Variants in ABCB11 observed in about 807,000 individuals in gnomAD.
The protein encoded by ABCB11 is ATP binding cassette subfamily B member 11, also known as bile salt export pump.
Under a neutral mutation model 148.0 loss-of-function variants are expected in ABCB11, and 95 were observed. The observed-to-expected ratio is 0.64, with a 90% CI of 0.54 to 0.76. The LOEUF (loss-of-function observed/expected upper bound fraction) is 0.76, where lower values mean the gene tolerates loss of function less well. Among genes scored for constraint, ABCB11 ranks in the 30% least tolerant of loss-of-function variants. The pLI, the probability that ABCB11 is intolerant of heterozygous loss-of-function variation, is 0.00. For synonymous variants in ABCB11, 591 were observed against 555.4 expected, an observed-to-expected ratio of 1.06 and a Z score of -0.90; for missense variants, 1,523 against 1,617.8, an observed-to-expected ratio of 0.94 and a Z score of 1.01.
chr2:168,971,306 C>A (rs76507907), intron 14 of ABCB11, among the ~76,000 whole-genome samples: 2 of 151,990 alleles, frequency 1.3e-5, no homozygotes, highest in Non-Finnish European at 2.9e-5. Context: ...TTTATAATAA[C>A]TCTTCTTTGA....
intron 8 of ABCB11, among the ~76,000 whole-genome samples, chr2:168,992,918 T>G (rs11892887): frequency 0.06 from 9,140 of 152,110 alleles, 920 homozygotes; most frequent in African/African-American, 0.21. Context: ...TTAAATTCTA[T>G]TCTCATTTAT....
chr2:168,970,077 T>A lies in ABCB11; in HGVS notation c.1777A>T (p.Ser593Cys). Residue 593 changes from serine (S) to cysteine (C), a missense_variant, in exon 15 of 28, where the codon AGT becomes TGT. Coordinates refer to ENST00000650372, the MANE Select transcript of ABCB11 (RefSeq NM_003742.4). ...AGCACTTCTTGCACCATGGCTTCAC[T>A]CTCATTGTCCAGAGCTGAGGTGGCC... is the stretch of plus-strand genomic sequence containing the variant. ...DMATSALDNE[S>C]EAMVQEVLSK... 6.2e-7 allele frequency: 1 copy of A among 1,611,948 alleles called. No individual in the cohort carries two copies. Among genetic ancestry groups the A allele is most frequent in the East Asian group, 2.2e-5 (1 of 44,744 alleles).
chr2:168,934,087 T>C, intron 23 of ABCB11, among the ~76,000 whole-genome samples: 1 of 148,288 alleles, frequency 6.7e-6, no homozygotes, highest in African/African-American at 2.4e-5. Context: ...AAAAAAATAT[T>C]CTAAATTATT....
chr2:168,918,018 A>G (rs1254250681), downstream of ABCB11, among the ~76,000 whole-genome samples: 1 of 149,692 alleles, frequency 6.7e-6, no homozygotes, highest in Non-Finnish European at 1.5e-5. Flanking sequence ...TACAATTAGC[A>G]TAAATTTCAC....
intron 5 of ABCB11, among the ~76,000 whole-genome samples, chr2:169,005,601 G>A (rs1428961248): frequency 6.6e-6 from 1 of 152,092 alleles, no homozygotes; most frequent in Non-Finnish European, 1.5e-5. Flanking sequence ...AGTGACCAGG[G>A]CTGAAAATTT....
rs780796347 is a variant in ABCB11, at chr2:168,972,005, G to C, written c.1480C>G (p.Leu494Val). ...HDIRSLNIQWLRDQIGIVEQE... is the reference protein window; with the variant it reads ...HDIRSLNIQWVRDQIGIVEQE... The stretch of plus-strand genomic sequence containing the variant: ...TCCACTATCCCAATCTGATCTCTAA[G>C]CCACTGAATGTTAAGAGAGCGAATG... Residue 494 changes from leucine (L) to valine (V), a missense_variant, in exon 14 of 28, where the codon CTT becomes GTT. By Grantham distance (32) the Leu-to-Val change is conservative. Coordinates refer to ENST00000650372, the MANE Select transcript of ABCB11 (RefSeq NM_003742.4). 14 of 1,612,928 alleles carry C rather than the reference G, an allele frequency of 8.7e-6. No individual in the cohort carries two copies. Among genetic ancestry groups the C allele is most frequent in the Non-Finnish European group, 1.0e-5 (12 of 1,179,354 alleles).
intron 9 of ABCB11, 70 bp downstream of exon 9, chr2:168,990,731 A>C: frequency 6.3e-7 from 1 of 1,594,944 alleles, no homozygotes; most frequent in South Asian, 1.1e-5. Context: ...CGCTTTGCAC[A>C]AACTGAGAGA....
chr2:168,983,473 C>A (rs1274654160), intron 10 of ABCB11, among the ~76,000 whole-genome samples: 1 of 152,094 alleles, frequency 6.6e-6, no homozygotes, highest in African/African-American at 2.4e-5. Flanking sequence ...GTAACACTTC[C>A]CATCCATACT....
chr2:169,015,679 C>T (rs543770584), intron 3 of ABCB11, among the ~76,000 whole-genome samples: 6 of 152,230 alleles, frequency 3.9e-5, no homozygotes, highest in Non-Finnish European at 7.4e-5. Context: ...CCACCCCCCA[C>T]GCACCATTTC....
At chr2:168,917,904 C>T (rs117755530), downstream of ABCB11, among the ~76,000 whole-genome samples, 260 of 152,282 alleles carry the variant, frequency 1.7e-3, 8 homozygotes, top group East Asian at 0.045. Context: ...AATGTAAATG[C>T]ACCTCAGATT....
chr2:169,017,281 G>A (rs1695392412), intron 2 of ABCB11, among the ~76,000 whole-genome samples: 1 of 152,086 alleles, frequency 6.6e-6, no homozygotes, highest in African/African-American at 2.4e-5. Flanking sequence ...AGAAGCCATA[G>A]GATTGAGACC....
intron 7 of ABCB11, among the ~76,000 whole-genome samples, chr2:168,995,148 G>A (rs1050194027): frequency 6.6e-6 from 1 of 151,912 alleles, no homozygotes; most frequent in Non-Finnish European, 1.5e-5. Context: ...ACACCAAATT[G>A]CAGTACCTTG....
At chr2:168,972,093 AG>A (rs770436472) in intron 13 of ABCB11, 43 bp from the exon 14 acceptor site, 3 of 1,566,600 alleles carry the variant, frequency 1.9e-6, no homozygotes, top group South Asian at 1.1e-5. Context: ...GGAATCTTTC[AG>A]GGTTCTGAAT....
intron 5 of ABCB11, among the ~76,000 whole-genome samples, chr2:169,006,490 T>C (rs1355856510): frequency 6.6e-6 from 1 of 152,116 alleles, no homozygotes; most frequent in Non-Finnish European, 1.5e-5. Context: ...AAGACAAGGA[T>C]GTGTGCTCTC....
Position 168,993,876 on chromosome 2 carries a change from A to T in ABCB11, c.618T>A (p.Ile206=). ...CAGCTATGGCATCATTGATTTTATT[A>T]ATATCACTAGAAACCAGAAAGATTT... is the stretch of plus-strand genomic sequence containing the variant. ...GELNTRFSDD[I]NKINDAIADQ... is the part of the protein sequence containing the mutation. Residue 206 remains isoleucine, a synonymous_variant, in exon 8 of 28, where the codon ATT becomes ATA. Coordinates refer to ENST00000650372, the MANE Select transcript of ABCB11 (RefSeq NM_003742.4). The T allele has an allele frequency of 6.2e-7, 1 of 1,606,210 alleles. No individual in the cohort carries two copies. Among genetic ancestry groups the T allele is most frequent in the South Asian group, 1.1e-5 (1 of 89,520 alleles).
chr2:168,993,844 A>C lies in ABCB11; in HGVS notation c.650T>G (p.Met217Arg), dbSNP rs776085479. ...NKINDAIADQ[M>R]ALFIQRMTST... ...GGTCATGCGCTGAATGAAAAGGGCC[A>C]TTTGGTCAGCTATGGCATCATTGAT... is the stretch of plus-strand genomic sequence containing the variant. The change falls in exon 8 of 28, where the codon ATG becomes AGG. Residue 217 changes from methionine (M) to arginine (R), a missense_variant. By Grantham distance (91) the Met-to-Arg change is moderately conservative. Transcript: ENST00000650372. 3.1e-6 allele frequency: 5 copies of C among 1,611,448 alleles called. No homozygotes were observed. Among genetic ancestry groups the C allele is most frequent in the Non-Finnish European group, 4.2e-6 (5 of 1,178,552 alleles).
rs1197800935 is a variant in ABCB11, at chr2:169,009,979, G to A, written c.389+3293C>T. 2.0e-5 allele frequency among the ~76,000 whole-genome samples: 3 copies of A among 152,090 alleles called. No homozygotes were observed. The East Asian group carries it at 5.8e-4, about 29-fold the overall frequency. On this transcript the variant is annotated intron_variant, in intron 5 of 27. Transcript: ENST00000650372. The stretch of plus-strand genomic sequence containing the variant: ...GACTGAAATCCAAGTGAAAGGACAG[G>A]CCTAGATTTCTGCATTGATTTATCT...
At chr2:168,970,430 G>A in intron 14 of ABCB11, 1 of 1,292,952 alleles carries the variant, frequency 7.7e-7, no homozygotes, top group Non-Finnish European at 1.1e-6. Flanking sequence ...TTTTATTCCA[G>A]GGTTTACTGG....
At position 168,970,205 on chromosome 2, in the gene ABCB11, G is replaced by C. The variant is rs757224691; in HGVS notation, c.1649C>G (p.Thr550Ser). The change falls in exon 15 of 28, where the codon ACC becomes AGC. Residue 550 changes from threonine to serine, a missense_variant. Coordinates refer to ENST00000650372, the MANE Select transcript of ABCB11 (RefSeq NM_003742.4). ...CTGGCCTCCTCCTTCTCCAACAAGG[G>C]TGTCAAATTGCTAGATGGAAGGTGA... is the stretch of plus-strand genomic sequence containing the variant. ...FIMDLPQQFD[T>S]LVGEGGGQMS... The C allele has an allele frequency of 6.2e-7, 1 of 1,611,326 alleles. No homozygotes were observed.
Sources: allele counts gnomAD v4.1 joint callset (sites outside exome capture counted in the v4.1 genomes callset), GRCh38; gene constraint gnomAD v4.1.1; transcripts MANE v1.5; gene names NCBI Gene and HGNC (gene_info 2026-07-23, HGNC 2026-07-21).